The following TRIM22 variants were observed in gnomAD, a reference collection of about 807,000 sequenced individuals.
TRIM22 encodes the protein E3 ubiquitin-protein ligase TRIM22.
TRIM22 carries 45 observed loss-of-function variants against 53.6 expected under a neutral mutation model. The ratio of observed to expected loss-of-function variants is 0.84; its 90% CI spans 0.66 to 1.08. The LOEUF is 1.08. Among genes scored for constraint, TRIM22 ranks in the 50% least tolerant of loss-of-function variants. The probability of loss-of-function intolerance (pLI) is 0.00; values close to 1 mark genes in which losing one functional copy is unlikely to be tolerated. For missense variants in TRIM22, 616 were observed against 590.9 expected (o/e 1.04, Z -0.44); for synonymous variants, 225 against 216.6 (o/e 1.04, Z -0.34).
chr11:5,699,456 G>A lies in TRIM22; in HGVS notation c.750+911G>A, dbSNP rs1037969622. ...GGAGAATGGCGTGAACCCGGGAAGCGGAGCTTGCAATGAACCGAGATTGCG... is the reference window on the plus strand; with the variant it reads ...GGAGAATGGCGTGAACCCGGGAAGCAGAGCTTGCAATGAACCGAGATTGCG... On this transcript the variant is annotated intron_variant, in intron 4 of 7. Transcript: ENST00000379965. Among the ~76,000 whole-genome samples the A allele has an allele frequency of 2.2e-4, 30 of 135,254 alleles. 2 individuals carry two copies. The highest frequency in any genetic ancestry group is 2.1e-4 in the East Asian group (1 of 4,808). 88.7% of individuals were successfully genotyped at this position (135,254 alleles called of 152,430 possible).
chr11:5,709,830 C>T lies in TRIM22; in HGVS notation c.*182C>T. On this transcript the variant is annotated 3_prime_UTR_variant, in exon 8 of 8. Coordinates refer to ENST00000379965, the MANE Select transcript of TRIM22 (RefSeq NM_006074.5). Reference sequence around the variant, plus strand: ...AAGCATCATAGATTGCTGATTTAAACTGTAATTGTATTGCCGTACTGTGGG... The same window carrying T: ...AAGCATCATAGATTGCTGATTTAAATTGTAATTGTATTGCCGTACTGTGGG... The T allele has an allele frequency of 6.5e-6, 4 of 614,794 alleles. No homozygotes were observed. The highest frequency in any genetic ancestry group is 1.1e-5 in the Non-Finnish European group (4 of 357,306). 38.1% of individuals were successfully genotyped at this position (614,794 alleles called of 1,614,324 possible).
At chr11:5,697,792 C>G in intron 3 of TRIM22, 1 of 167,612 alleles carries the variant, frequency 6.0e-6, no homozygotes, top group Non-Finnish European at 1.3e-5. Context: ...CAACCTCTGC[C>G]TCCCTGGTTC....
chr11:5,699,726 T>C (rs1321153437), intron 4 of TRIM22, among the ~76,000 whole-genome samples: 1 of 100,162 alleles, frequency 1.0e-5, no homozygotes, highest in East Asian at 2.7e-4. Flanking sequence ...ATTATTTCCT[T>C]TTTTTTTTTT....
Position 5,695,872 on chromosome 11 carries a change from A to G in TRIM22, c.-66-295A>G, listed in dbSNP as rs576160945. On this transcript the variant is annotated intron_variant, in intron 1 of 7. Coordinates refer to ENST00000379965, the MANE Select transcript of TRIM22 (RefSeq NM_006074.5). ...GGGTTGGGGAACAAAAGGCAGGACA[A>G]ATGATGGGTTACACGAAGCTCTTGG... Among the ~76,000 whole-genome samples the G allele has an allele frequency of 5.8e-4, 88 of 152,294 alleles. 1 individual carries two copies. Among genetic ancestry groups the G allele is most frequent in the Middle Eastern group, 6.8e-3 (2 of 294 alleles).
intron 4 of TRIM22, among the ~76,000 whole-genome samples, chr11:5,704,693 T>C (rs1210901347): frequency 1.3e-5 from 2 of 152,232 alleles, no homozygotes; most frequent in African/African-American, 2.4e-5. Context: ...TTTTGTATCA[T>C]AGCCAACAAA....
chr11:5,699,605 TGTC>T (rs1853334301), intron 4 of TRIM22, among the ~76,000 whole-genome samples: 1 of 149,132 alleles, frequency 6.7e-6, no homozygotes, highest in Non-Finnish European at 1.5e-5. Context: ...AGTTTTAAGT[TGTC>T]GTACTATTTT....
intron 1 of TRIM22, 39 bp from the exon 2 acceptor site, chr11:5,696,128 T>C: frequency 2.0e-6 from 2 of 1,008,078 alleles, no homozygotes; most frequent in South Asian, 3.4e-5. Flanking sequence ...ATTCTTTCTA[T>C]TCCTTCTTTT....
intron 4 of TRIM22, among the ~76,000 whole-genome samples, chr11:5,702,209 A>T (rs972215870): frequency 1.4e-5 from 2 of 145,434 alleles, no homozygotes; most frequent in African/African-American, 5.0e-5. Context: ...TATTATATAT[A>T]CATAACTAGT....
intron 1 of TRIM22, among the ~76,000 whole-genome samples, chr11:5,692,006 T>C (rs1002150567): frequency 1.3e-5 from 2 of 152,054 alleles, no homozygotes; most frequent in Non-Finnish European, 2.9e-5. Context: ...AGCATACAGG[T>C]ATAGTAAAAA....
At position 5,698,378 on chromosome 11, in the gene TRIM22, G is replaced by T. The variant is rs1381052767; in HGVS notation, c.583G>T (p.Asp195Tyr). 2.5e-6 allele frequency: 4 copies of T among 1,614,100 alleles called. No homozygotes were observed. Among genetic ancestry groups the T allele is most frequent in the Non-Finnish European group, 3.4e-6 (4 of 1,180,046 alleles). Residue 195 changes from aspartate to tyrosine, a missense_variant, in exon 4 of 8, where the codon GAC (aspartate) becomes TAC (tyrosine). Transcript: ENST00000379965. The part of the protein sequence containing the change: ...KGFNEMRVIL[D>Y]NEEQRELQKL... ...GTTCAATGAAATGAGAGTCATCTTGGACAATGAGGAGCAGAGAGAGCTGCA... is the reference window on the plus strand; with the variant it reads ...GTTCAATGAAATGAGAGTCATCTTGTACAATGAGGAGCAGAGAGAGCTGCA...
rs770417951 is a variant in TRIM22 at position 5,696,585 on chromosome 11, T to C, written c.353T>C (p.Val118Ala). The change falls in exon 2 of 8, where the codon GTT (valine) becomes GCT (alanine). Residue 118 changes from valine to alanine, a missense_variant. Transcript: ENST00000379965. ...CKEDGKVICWVCELSQEHQGH... is the reference protein window; with the variant it reads ...CKEDGKVICWACELSQEHQGH... ...GAGGATGGAAAAGTCATTTGCTGGG[T>C]TTGTGAACTGTCTCAGGAACACCAA... The C allele has an allele frequency of 1.9e-6, 3 of 1,614,086 alleles. No homozygotes were observed. The highest frequency in any genetic ancestry group is 2.5e-6 in the Non-Finnish European group (3 of 1,180,030).
chr11:5,707,107 T>A (rs150289276), intron 5 of TRIM22, among the ~76,000 whole-genome samples: 45 of 152,332 alleles, frequency 3.0e-4, no homozygotes, highest in Admixed American at 1.0e-3. Context: ...GGTGCTAGCA[T>A]AACCTTTTCT....
chr11:5,706,955 C>T (rs1397540455), intron 5 of TRIM22, among the ~76,000 whole-genome samples: 2 of 152,058 alleles, frequency 1.3e-5, no homozygotes, highest in African/African-American at 4.8e-5. Context: ...TTTTTATATG[C>T]CAGACTCCAA....
chr11:5,703,976 T>A (rs182471554), intron 4 of TRIM22, among the ~76,000 whole-genome samples: 2 of 152,304 alleles, frequency 1.3e-5, no homozygotes, highest in East Asian at 3.9e-4. Context: ...TGGCTATTAT[T>A]ATAAAGTCAA....
intron 3 of TRIM22, 160 bp downstream of exon 3, chr11:5,697,503 G>C: frequency 1.8e-6 from 1 of 547,552 alleles, no homozygotes. Context: ...TTGGAGTTTA[G>C]GGGCTGGAGA....
At chr11:5,706,342 T>C (rs1197326360) in intron 4 of TRIM22, among the ~76,000 whole-genome samples, 1 of 152,190 alleles carries the variant, frequency 6.6e-6, no homozygotes, top group African/African-American at 2.4e-5. Flanking sequence ...GGAAGGTGGA[T>C]AAAACTTTGT....
chr11:5,690,540 G>A (rs920284838), intron 1 of TRIM22, among the ~76,000 whole-genome samples: 1 of 152,246 alleles, frequency 6.6e-6, no homozygotes, highest in East Asian at 1.9e-4. Context: ...TACTGATAAC[G>A]CCTGGTACTG....
rs1382674422 is a variant in TRIM22, at chr11:5,690,199, TA to T, written c.-67+302del. On this transcript the variant is annotated intron_variant, in intron 1 of 7. Transcript: ENST00000379965. ...TTGTTGGAAATAAAGCTCAGAATCT[TA>T]AGGGAGACGAGCACTCAAACAAAGG... Among the ~76,000 whole-genome samples, 3 of 152,294 alleles carry T rather than the reference TA, an allele frequency of 2.0e-5. No homozygotes were observed. The East Asian group carries it at 5.8e-4, about 29-fold the overall frequency.
rs1353978887 is a variant in TRIM22 at position 5,706,624 on chromosome 11, T to C, written c.773+8T>C. On this transcript the variant is annotated splice_region_variant and intron_variant, in intron 5 of 7. Transcript: ENST00000379965. Reference sequence around the variant, plus strand: ...GATTGACGTCATGAAAAGGTATATGTGGAAGAGAGATGTGGTCTTATTTGT... The same window carrying C: ...GATTGACGTCATGAAAAGGTATATGCGGAAGAGAGATGTGGTCTTATTTGT... The C allele has an allele frequency of 4.4e-6, 7 of 1,607,282 alleles. No homozygotes were observed. Among genetic ancestry groups the C allele is most frequent in the Non-Finnish European group, 6.0e-6 (7 of 1,175,564 alleles).
Sources: gnomAD v4.1 joint callset for allele counts (sites outside exome capture counted in the v4.1 genomes callset) on GRCh38, gnomAD v4.1.1 for gene constraint, MANE v1.5 for transcripts, NCBI Gene and HGNC (gene_info 2026-07-23, HGNC 2026-07-21) for gene names.